The following GALNT9 variants were observed in gnomAD, a reference collection of about 807,000 sequenced individuals.
GALNT9 encodes the protein GalNAc transferase 9.
A neutral mutation model predicts 63.1 loss-of-function variants in GALNT9; 47 were observed. That is an observed-to-expected ratio of 0.75 (90% CI 0.59 to 0.95). The LOEUF (loss-of-function observed/expected upper bound fraction) is 0.95. GALNT9 is among the 40% of genes least tolerant of loss of function. The pLI is 0.00. For missense variants in GALNT9, 829 were observed against 874.8 expected, an observed-to-expected ratio of 0.95 and a Z score of 0.66; for synonymous variants, 396 against 365.7, an observed-to-expected ratio of 1.08 and a Z score of -0.94.
In GALNT9 at chr12:132,197,053, C is replaced by A; in HGVS notation, c.*54G>T. On this transcript the variant is annotated 3_prime_UTR_variant, in exon 11 of 11. Transcript: ENST00000328957. ...GGCACACCCCGGTCACTCAGCCACA[C>A]TGGCTCGGCCCAGCGCCTTCCCGAG... is the stretch of plus-strand genomic sequence containing the variant. The A allele has an allele frequency of 6.3e-7, 1 of 1,598,994 alleles. No individual in the cohort carries two copies. The highest frequency in any genetic ancestry group is 8.5e-7 in the Non-Finnish European group (1 of 1,170,484).
At chr12:132,278,961 C>T (rs1429137706) in intron 2 of GALNT9, 1 of 149,836 alleles carries the variant, frequency 6.7e-6, no homozygotes, top group African/African-American at 2.6e-5. Context: ...CCCGGGGAGG[C>T]TTCTGCCCCA....
intron 5 of GALNT9, among the ~76,000 whole-genome samples, chr12:132,255,233 G>A (rs989828171): frequency 2.6e-5 from 4 of 152,174 alleles, no homozygotes; most frequent in African/African-American, 9.7e-5. Context: ...CAGATGTTAA[G>A]TCTGACCAAA....
intron 2 of GALNT9, among the ~76,000 whole-genome samples, chr12:132,271,554 G>A (rs1317191353): frequency 1.3e-5 from 2 of 152,108 alleles, no homozygotes; most frequent in South Asian, 2.1e-4. Flanking sequence ...AGGTGACGCC[G>A]ACGTGGGTGT....
chr12:132,263,628 G>T (rs75661655), intron 2 of GALNT9, among the ~76,000 whole-genome samples: 2 of 152,090 alleles, frequency 1.3e-5, no homozygotes, highest in Non-Finnish European at 2.9e-5. Flanking sequence ...GTCTCCCCCC[G>T]TGACCGGAAC....
chr12:132,233,146 G>A (rs1238401831), intron 6 of GALNT9, among the ~76,000 whole-genome samples: 2 of 62,684 alleles, frequency 3.2e-5, no homozygotes, highest in South Asian at 8.5e-4. Context: ...TCCATGGGGC[G>A]ACAGGAGACA....
rs539469637 is a variant in GALNT9, at chr12:132,269,520, G to A, written c.420-6895C>T. On this transcript the variant is annotated intron_variant, in intron 2 of 10. Transcript: ENST00000328957. ...TCAGGGAGGAGCCCGTGCCGGTCCC[G>A]AGCCCAGGGCGGGGTGGCCTTTTCC... Among the ~76,000 whole-genome samples the A allele has an allele frequency of 1.3e-4, 20 of 152,314 alleles. No individual in the cohort carries two copies. The East Asian group carries it at 2.5e-3, about 19-fold the overall frequency.
intron 1 of GALNT9, among the ~76,000 whole-genome samples, chr12:132,317,889 G>A (rs902840774): frequency 7.2e-5 from 11 of 152,212 alleles, no homozygotes; most frequent in East Asian, 1.9e-4. Context: ...TTTCCCTGGC[G>A]CTCCACAGGG....
chr12:132,251,035 C>T (rs1878896855), intron 5 of GALNT9, among the ~76,000 whole-genome samples: 1 of 152,208 alleles, frequency 6.6e-6, no homozygotes, highest in Non-Finnish European at 1.5e-5. Flanking sequence ...ACCGGAGCCG[C>T]GTCCTTCCAC....
rs1343976133 is a variant in GALNT9 at position 132,238,048 on chromosome 12, C to G, written c.1077+9862G>C. Among the ~76,000 whole-genome samples, 2 of 152,196 alleles carry G rather than the reference C, an allele frequency of 1.3e-5. No homozygotes were observed. Among genetic ancestry groups the G allele is most frequent in the African/African-American group, 4.8e-5 (2 of 41,442 alleles). ...AGGCAAGGACTCTGCAGTGGGTGAG[C>G]CAAGGTCAGGTGGAGGTCACGTGTG... On this transcript the variant is annotated intron_variant, in intron 6 of 10. Transcript: ENST00000328957. This position sits in a 1 kb window ranked among gnomAD's most constrained non-coding sequence, Gnocchi z 6.5.
chr12:132,277,822 G>C (rs1265048056), intron 2 of GALNT9: 1 of 152,254 alleles, frequency 6.6e-6, no homozygotes, highest in Admixed American at 6.5e-5. Context: ...GATAGGAGGG[G>C]ACAGCTGCTG....
chr12:132,308,861 C>T (rs1380847091), intron 1 of GALNT9, among the ~76,000 whole-genome samples: 1 of 151,288 alleles, frequency 6.6e-6, no homozygotes, highest in Non-Finnish European at 1.5e-5. Flanking sequence ...CGCACTCACG[C>T]CTTACCCACA....
rs1468616556 is a variant in GALNT9, at chr12:132,265,787, C to T, written c.420-3162G>A. Among the ~76,000 whole-genome samples, 2 of 152,244 alleles carry T rather than the reference C, an allele frequency of 1.3e-5. No individual in the cohort carries two copies. Among genetic ancestry groups the T allele is most frequent in the Admixed American group, 1.3e-4 (2 of 15,292 alleles). Reference sequence around the variant, plus strand: ...ATTCCTGCCTCGGAGGGGCCAGGGGCTTCTCCAGGACACTGTACACACAGT... The same window carrying T: ...ATTCCTGCCTCGGAGGGGCCAGGGGTTTCTCCAGGACACTGTACACACAGT... On this transcript the variant is annotated intron_variant, in intron 2 of 10. Transcript: ENST00000328957. The surrounding 1 kb of genome is among the most constrained non-coding windows in gnomAD (Gnocchi z 5.3).
rs191593190 is a variant in GALNT9 at position 132,265,772 on chromosome 12, C to T, written c.420-3147G>A. Among the ~76,000 whole-genome samples the T allele has an allele frequency of 3.8e-4, 58 of 152,348 alleles. No individual in the cohort carries two copies. Among genetic ancestry groups the T allele is most frequent in the African/African-American group, 1.1e-3 (46 of 41,582 alleles). On this transcript the variant is annotated intron_variant, in intron 2 of 10. Coordinates refer to ENST00000328957, the MANE Select transcript of GALNT9 (RefSeq NM_001122636.2). The surrounding 1 kb of genome is among the most constrained non-coding windows in gnomAD (Gnocchi z 5.3). ...AGCTCTTAGCCACACATTCCTGCCT[C>T]GGAGGGGCCAGGGGCTTCTCCAGGA...
At chr12:132,237,090 G>A (rs1186685507) in intron 6 of GALNT9, among the ~76,000 whole-genome samples, 4 of 151,994 alleles carry the variant, frequency 2.6e-5, no homozygotes, top group African/African-American at 9.7e-5. Flanking sequence ...CCTGACCCCA[G>A]TGTGGAGCGG....
intron 9 of GALNT9, among the ~76,000 whole-genome samples, chr12:132,198,205 TCTTCCGC>T (rs1471012649): frequency 6.6e-6 from 1 of 152,186 alleles, no homozygotes; most frequent in African/African-American, 2.4e-5. Flanking sequence ...AGCTGGCTGG[TCTTCCGC>T]CTGGACAGAC....
At chr12:132,221,989 T>C (rs935593429) in intron 6 of GALNT9, among the ~76,000 whole-genome samples, 2 of 152,180 alleles carry the variant, frequency 1.3e-5, no homozygotes, top group Admixed American at 1.3e-4. Flanking sequence ...TAAATAATTG[T>C]ATAAATAATG....
intron 4 of GALNT9, among the ~76,000 whole-genome samples, chr12:132,258,475 G>A (rs1164755335): frequency 1.3e-5 from 2 of 152,220 alleles, no homozygotes; most frequent in Non-Finnish European, 2.9e-5. Flanking sequence ...CAGCGGCCCC[G>A]CTCAAGGACG....
At chr12:132,318,548 G>C (rs1409157632) in intron 1 of GALNT9, among the ~76,000 whole-genome samples, 4 of 152,254 alleles carry the variant, frequency 2.6e-5, no homozygotes, top group Non-Finnish European at 5.9e-5. Context: ...CTTGAACCCT[G>C]GTGCAGTGTC....
chr12:132,229,103 C>A (rs891391203), intron 6 of GALNT9, among the ~76,000 whole-genome samples: 1 of 152,192 alleles, frequency 6.6e-6, no homozygotes, highest in East Asian at 1.9e-4. Flanking sequence ...CCCCTGGACA[C>A]GTACCAGTCT....
Sources: gnomAD v4.1 joint callset for allele counts (sites outside exome capture counted in the v4.1 genomes callset) on GRCh38, gnomAD v4.1.1 for gene constraint, Gnocchi (gnomAD v3.1) non-coding constraint, MANE v1.5 for transcripts, NCBI Gene and HGNC (gene_info 2026-07-23, HGNC 2026-07-21) for gene names.